The following CDH18 variants were observed in gnomAD, a reference collection of about 807,000 sequenced individuals.
CDH18 encodes cadherin-18.
CDH18 carries 31 observed loss-of-function variants against 67.9 expected under a neutral mutation model. That is an observed-to-expected ratio of 0.46 (90% CI 0.34 to 0.62). The LOEUF (loss-of-function observed/expected upper bound fraction) is 0.62. Ranked by LOEUF, CDH18 falls within the 20% of genes least tolerant of loss-of-function variation. The pLI is 0.01. For missense variants in CDH18, 890 were observed against 975.5 expected (o/e 0.91, Z 1.17); for synonymous variants, 362 against 347.2 (o/e 1.04, Z -0.48).
intron 1 of CDH18, among the ~76,000 whole-genome samples, chr5:20,349,139 A>G (rs1396897402): frequency 6.6e-6 from 1 of 152,160 alleles, no homozygotes; most frequent in Non-Finnish European, 1.5e-5. Context: ...AACTAAAGGA[A>G]TAGAATAAAG....
intron 1 of CDH18, among the ~76,000 whole-genome samples, chr5:20,561,923 C>A (rs944400025): frequency 2.0e-5 from 3 of 151,724 alleles, no homozygotes; most frequent in Admixed American, 6.6e-5. Flanking sequence ...TGACATCCTG[C>A]ATTTTTTATT....
chr5:19,853,952 T>C (rs1202396803), intron 2 of CDH18, among the ~76,000 whole-genome samples: 1 of 152,086 alleles, frequency 6.6e-6, no homozygotes, highest in East Asian at 1.9e-4. Context: ...AACCACTTCA[T>C]AAAAACGGAA....
chr5:20,475,018 G>A (rs1032395136), intron 1 of CDH18, among the ~76,000 whole-genome samples: 33 of 148,276 alleles, frequency 2.2e-4, no homozygotes, highest in African/African-American at 7.6e-4. Flanking sequence ...AATTTTTCTT[G>A]TATTTGATTA....
chr5:20,373,302 C>T (rs949131731), intron 1 of CDH18, among the ~76,000 whole-genome samples: 2 of 152,174 alleles, frequency 1.3e-5, no homozygotes, highest in Non-Finnish European at 2.9e-5. Context: ...AGCAATCTTT[C>T]TTAAGTCCCT....
At chr5:20,217,045 A>T (rs1740836616) in intron 2 of CDH18, among the ~76,000 whole-genome samples, 1 of 151,850 alleles carries the variant, frequency 6.6e-6, no homozygotes. Flanking sequence ...TCCAGAGAAA[A>T]CATCCTTTAA....
intron 2 of CDH18, among the ~76,000 whole-genome samples, chr5:20,024,339 G>A (rs991691272): frequency 3.9e-5 from 6 of 152,148 alleles, no homozygotes; most frequent in African/African-American, 1.4e-4. Flanking sequence ...CTGGGGTAGG[G>A]TGCTATATAA....
chr5:19,765,434 A>C (rs566041959), intron 3 of CDH18, among the ~76,000 whole-genome samples: 2 of 151,970 alleles, frequency 1.3e-5, no homozygotes, highest in Non-Finnish European at 2.9e-5. Flanking sequence ...TTATTCAAAA[A>C]TTATTTGTTT....
chr5:20,001,421 A>G (rs1182974984), intron 2 of CDH18, among the ~76,000 whole-genome samples: 1 of 152,186 alleles, frequency 6.6e-6, no homozygotes, highest in South Asian at 2.1e-4. Context: ...CCTTGAAAAA[A>G]AAACTTGGAA....
rs1737656081 is a variant in CDH18 at position 19,471,586 on chromosome 5, T to C, written c.*1640A>G. 6.8e-6 allele frequency among the ~76,000 whole-genome samples: 1 copy of C among 147,630 alleles called. No individual in the cohort carries two copies. The highest frequency in any genetic ancestry group is 1.5e-5 in the Non-Finnish European group (1 of 65,522). The stretch of plus-strand genomic sequence containing the variant: ...AGAATTTCAATATTTCTGAAATATA[T>C]AGATGTGGCCAGTTTTAGAAAATAG... On this transcript the variant is annotated 3_prime_UTR_variant, in exon 13 of 13. Transcript: ENST00000382275.
intron 8 of CDH18, among the ~76,000 whole-genome samples, chr5:19,557,701 C>A (rs1738685832): frequency 6.6e-6 from 1 of 152,072 alleles, no homozygotes. Flanking sequence ...TAGTGGAGGA[C>A]TTCAATATTC....
In CDH18 at chr5:20,120,735, GA is replaced by G. The variant is rs552702146; in HGVS notation, c.-517-128722del. ...GCATTAATGTGTCTTAAATTGTTTT[GA>G]AAAAATGATTAGATCAGCTGTAGCC... On this transcript the variant is annotated intron_variant, in intron 2 of 14. Coordinates refer to the CDH18 transcript ENST00000507958. 3.9e-5 allele frequency among the ~76,000 whole-genome samples: 6 copies of G among 152,108 alleles called. No individual in the cohort carries two copies. In the East Asian group the frequency reaches 9.7e-4, roughly 24 times the overall value.
At chr5:20,463,770 G>T (rs1161550233) in intron 1 of CDH18, among the ~76,000 whole-genome samples, 1 of 152,156 alleles carries the variant, frequency 6.6e-6, no homozygotes, top group Non-Finnish European at 1.5e-5. Context: ...TGAATTGTGA[G>T]GAATGCCGTC....
At chr5:20,501,482 TTA>T (rs1355905085) in intron 1 of CDH18, among the ~76,000 whole-genome samples, 2 of 36,498 alleles carry the variant, frequency 5.5e-5, no homozygotes, top group African/African-American at 8.8e-5. Flanking sequence ...TATATACATA[TTA>T]TATATATTTT....
At chr5:20,516,317 C>T (rs1755362848) in intron 1 of CDH18, among the ~76,000 whole-genome samples, 1 of 151,788 alleles carries the variant, frequency 6.6e-6, no homozygotes, top group African/African-American at 2.4e-5. Context: ...TAGAGAAACA[C>T]TGGAGTGTGG....
intron 6 of CDH18, among the ~76,000 whole-genome samples, chr5:19,606,457 A>C (rs904987052): frequency 1.3e-5 from 2 of 152,084 alleles, no homozygotes. Context: ...GGGGAATTTC[A>C]ACAGATACCA....
At chr5:20,471,907 T>TACCC in intron 1 of CDH18, among the ~76,000 whole-genome samples, 2 of 3,436 alleles carry the variant, frequency 5.8e-4, no homozygotes, top group Non-Finnish European at 6.1e-4. Context: ...TCTGTGAAAC[T>TACCC]TGCTAACTCC....
At chr5:19,635,117 CAAAGAA>C (rs906030118) in intron 5 of CDH18, among the ~76,000 whole-genome samples, 5 of 152,090 alleles carry the variant, frequency 3.3e-5, no homozygotes, top group African/African-American at 1.2e-4. Flanking sequence ...AGAACAAAGA[CAAAGAA>C]AATCAAATAC....
intron 2 of CDH18, chr5:19,847,934 T>C (rs1783190257): frequency 6.6e-6 from 1 of 152,220 alleles, no homozygotes; most frequent in Admixed American, 6.6e-5. Context: ...GACTCTCTTT[T>C]GTTCTCATTG....
chr5:19,704,499 G>A (rs1763686288), intron 5 of CDH18, among the ~76,000 whole-genome samples: 1 of 152,098 alleles, frequency 6.6e-6, no homozygotes, highest in Non-Finnish European at 1.5e-5. Context: ...CATATGATAC[G>A]TGAAGAGGGG....
Sources: gnomAD v4.1 joint callset for allele counts (sites outside exome capture counted in the v4.1 genomes callset) on GRCh38, gnomAD v4.1.1 for gene constraint, MANE v1.5 for transcripts, NCBI Gene and HGNC (gene_info 2026-07-23, HGNC 2026-07-21) for gene names.